CDH12: variants seen among roughly 807,000 people sequenced by gnomAD.
CDH12 encodes cadherin 12, also known as cadherin-12.
In CDH12, 41 loss-of-function variants were observed where a neutral mutation model predicts 74.1. The ratio of observed to expected loss-of-function variants is 0.55; its 90% confidence interval spans 0.43 to 0.72. The LOEUF is 0.72. Among genes scored for constraint, CDH12 ranks in the 30% least tolerant of loss-of-function variants. CDH12 has a pLI of 0.00. For missense variants in CDH12, 945 were observed against 977.2 expected (o/e 0.97, Z 0.44); for synonymous variants, 399 against 355.0 (o/e 1.12, Z -1.39).
chr5:22,804,759 A>G (rs1748700547), intron 1 of CDH12, among the ~76,000 whole-genome samples: 1 of 152,192 alleles, frequency 6.6e-6, no homozygotes. Flanking sequence ...TGATTACACA[A>G]TCAGTACCAT....
At chr5:22,664,604 T>C (rs1333185738) in intron 1 of CDH12, among the ~76,000 whole-genome samples, 3 of 152,180 alleles carry the variant, frequency 2.0e-5, no homozygotes, top group Non-Finnish European at 4.4e-5. Flanking sequence ...ATCAAATGTT[T>C]ATAAGCAAAT....
At chr5:22,714,567 A>G (rs437942) in intron 1 of CDH12, among the ~76,000 whole-genome samples, 41,348 of 152,076 alleles carry the variant, frequency 0.27, 5,737 homozygotes, top group South Asian at 0.31. Flanking sequence ...TATGGATAGA[A>G]GGGGGAAAAG....
chr5:22,033,224 A>C (rs1422861468), intron 5 of CDH12, among the ~76,000 whole-genome samples: 2 of 152,172 alleles, frequency 1.3e-5, no homozygotes, highest in Non-Finnish European at 2.9e-5. Context: ...TGCTCCAGGA[A>C]ATTTTCTCAT....
rs984546945 is a variant in CDH12, at chr5:21,832,460, C to T, written c.814+9701G>A. Among the ~76,000 whole-genome samples the T allele has an allele frequency of 3.3e-5, 5 of 151,858 alleles. No homozygotes were observed. In the South Asian group the frequency reaches 6.2e-4, roughly 19 times the overall value. On this transcript the variant is annotated intron_variant, in intron 8 of 14. Transcript: ENST00000382254. Reference sequence around the variant, plus strand: ...AGCACAGTGTTTTTCACTGAGCTTGCATTCAAATTGTATTCATTTCCAATG... The same window carrying T: ...AGCACAGTGTTTTTCACTGAGCTTGTATTCAAATTGTATTCATTTCCAATG...
chr5:22,689,410 G>A (rs772584960), intron 1 of CDH12, among the ~76,000 whole-genome samples: 2 of 152,126 alleles, frequency 1.3e-5, no homozygotes, highest in Non-Finnish European at 2.9e-5. Context: ...GATGACATAT[G>A]TAGAATAGGT....
intron 5 of CDH12, among the ~76,000 whole-genome samples, chr5:22,040,378 A>C (rs1739493445): frequency 6.6e-6 from 1 of 152,136 alleles, no homozygotes; most frequent in South Asian, 2.1e-4. Context: ...CAAGATAAGG[A>C]CAGAAAGCTT....
intron 6 of CDH12, among the ~76,000 whole-genome samples, chr5:21,972,318 G>C (rs1756887041): frequency 6.6e-6 from 1 of 152,036 alleles, no homozygotes; most frequent in African/African-American, 2.4e-5. Flanking sequence ...ATTTCATAGG[G>C]AATACTTCAA....
At chr5:22,031,323 C>T (rs1278412209) in intron 5 of CDH12, among the ~76,000 whole-genome samples, 1 of 139,872 alleles carries the variant, frequency 7.1e-6, no homozygotes, top group Non-Finnish European at 1.5e-5. Context: ...AACAGAGACT[C>T]CATCTAATAA....
chr5:22,276,419 T>C (rs917283930), intron 3 of CDH12, among the ~76,000 whole-genome samples: 1 of 152,228 alleles, frequency 6.6e-6, no homozygotes, highest in Non-Finnish European at 1.5e-5. Context: ...ACTAGTATTA[T>C]ATGTTATGTA....
chr5:22,607,829 C>G (rs1343890287), intron 1 of CDH12, among the ~76,000 whole-genome samples: 1 of 152,208 alleles, frequency 6.6e-6, no homozygotes, highest in Non-Finnish European at 1.5e-5. Flanking sequence ...GGTGCAAGCC[C>G]CAAGCCTTGG....
At chr5:22,182,168 T>C (rs978575498) in intron 4 of CDH12, among the ~76,000 whole-genome samples, 26 of 152,090 alleles carry the variant, frequency 1.7e-4, no homozygotes, top group African/African-American at 6.0e-4. Flanking sequence ...AATATACTGA[T>C]CTTTCATTTC....
At chr5:22,774,172 A>G (rs1308425782) in intron 1 of CDH12, among the ~76,000 whole-genome samples, 1 of 152,104 alleles carries the variant, frequency 6.6e-6, no homozygotes, top group Non-Finnish European at 1.5e-5. Context: ...ATATTCATGC[A>G]CATGTATGTT....
intron 3 of CDH12, among the ~76,000 whole-genome samples, chr5:22,336,932 T>C (rs1739611979): frequency 6.6e-6 from 1 of 152,068 alleles, no homozygotes; most frequent in Non-Finnish European, 1.5e-5. Flanking sequence ...CTGCAGATAC[T>C]CAATGCCAGC....
chr5:22,354,292 A>C (rs190799736), intron 3 of CDH12, among the ~76,000 whole-genome samples: 30 of 152,286 alleles, frequency 2.0e-4, no homozygotes, highest in East Asian at 7.7e-4. Flanking sequence ...GACTAAAGGA[A>C]ACTTTCCTGC....
chr5:22,367,188 CCTT>C (rs1471932047), intron 3 of CDH12, among the ~76,000 whole-genome samples: 30 of 152,202 alleles, frequency 2.0e-4, no homozygotes, highest in East Asian at 7.8e-4. Context: ...AAAGGCATCT[CCTT>C]CTCCTTTCTG....
intron 2 of CDH12, among the ~76,000 whole-genome samples, chr5:22,445,064 A>T (rs533150096): frequency 6.7e-6 from 1 of 149,494 alleles, no homozygotes; most frequent in South Asian, 2.1e-4. Context: ...ACAATTTTTT[A>T]AATGTAGACA....
rs147548175 is a variant in CDH12, at chr5:21,751,852, A to G, written c.2270T>C (p.Leu757Pro). ...ATAGTCCTGGTCGGCTTCTGTGGTG[A>G]GAGAGTCTATAGAGCTGAGGGACTC... ...VAESLSSIDS[L>P]TTEADQDYDY... The change falls in exon 15 of 15, where the codon CTC becomes CCC. Residue 757 changes from leucine to proline, a missense_variant. Physicochemically the swap from Leu to Pro is moderately conservative, Grantham distance 98. Around this residue, in one of 3 missense-constraint regions of CDH12, gnomAD observed 791 missense variants for 792.8 expected, o/e 1.00. Coordinates refer to ENST00000382254, the MANE Select transcript of CDH12 (RefSeq NM_004061.5). 1.6e-4 allele frequency: 263 copies of G among 1,613,928 alleles called. No individual in the cohort carries two copies. In the African/African-American group the frequency reaches 3.3e-3, roughly 20 times the overall value.
Position 21,797,244 on chromosome 5 carries a change from C to T in CDH12, c.1256+4923G>A, listed in dbSNP as rs116060638. Among the ~76,000 whole-genome samples, 852 of 151,838 alleles carry T rather than the reference C, an allele frequency of 5.6e-3. 5 individuals carry two copies. Among genetic ancestry groups the T allele is most frequent in the African/African-American group, 0.013 (538 of 41,400 alleles). On this transcript the variant is annotated intron_variant, in intron 10 of 14. Coordinates refer to ENST00000382254, the MANE Select transcript of CDH12 (RefSeq NM_004061.5). ...GATGAAGATGATGATGATAAAATACCCAAGGTCCTAAATTAATATCTTGCA... is the reference window on the plus strand; with the variant it reads ...GATGAAGATGATGATGATAAAATACTCAAGGTCCTAAATTAATATCTTGCA...
At chr5:22,341,573 C>T (rs1228063906) in intron 3 of CDH12, among the ~76,000 whole-genome samples, 1 of 152,096 alleles carries the variant, frequency 6.6e-6, no homozygotes. Flanking sequence ...ACTATTCCTT[C>T]GTAGGCAGCT....
Sources: allele counts gnomAD v4.1 joint callset (sites outside exome capture counted in the v4.1 genomes callset), GRCh38; gene constraint gnomAD v4.1.1; regional missense constraint gnomAD v4.1.1; transcripts MANE v1.5; gene names NCBI Gene and HGNC (gene_info 2026-07-23, HGNC 2026-07-21).